The following MACROD2 variants were observed in gnomAD, a reference collection of about 807,000 sequenced individuals.
The protein encoded by MACROD2 is ADP-ribose glycohydrolase MACROD2.
In MACROD2, 36 loss-of-function variants were observed where a neutral mutation model predicts 70.4. The observed-to-expected ratio is 0.51, with a 90% confidence interval of 0.39 to 0.68. The LOEUF (loss-of-function observed/expected upper bound fraction) is 0.68, where lower values mean the gene tolerates loss of function less well. Ranked by LOEUF, MACROD2 falls within the 30% of genes least tolerant of loss-of-function variation. The pLI is 0.00. For synonymous variants in MACROD2, 172 were observed against 178.8 expected, an observed-to-expected ratio of 0.96 and a Z score of 0.30; for missense variants, 496 against 538.4, an observed-to-expected ratio of 0.92 and a Z score of 0.78.
chr20:15,923,653 A>G (rs994249654), intron 10 of MACROD2, among the ~76,000 whole-genome samples: 4 of 152,182 alleles, frequency 2.6e-5, no homozygotes, highest in African/African-American at 9.7e-5. Flanking sequence ...AAGGGCCTCT[A>G]ATGCACAGTG....
intron 5 of MACROD2, among the ~76,000 whole-genome samples, chr20:14,899,360 T>A (rs2073868706): frequency 6.6e-6 from 1 of 152,168 alleles, no homozygotes; most frequent in African/African-American, 2.4e-5. Flanking sequence ...CGTCTCACAG[T>A]TCTGAAGGGT....
intron 8 of MACROD2, among the ~76,000 whole-genome samples, chr20:15,526,287 C>G (rs1193866533): frequency 6.6e-6 from 1 of 152,098 alleles, no homozygotes; most frequent in Non-Finnish European, 1.5e-5. Flanking sequence ...CCCCAAATAT[C>G]TGATCTTTTG....
At chr20:15,253,008 C>T (rs989442281) in intron 6 of MACROD2, among the ~76,000 whole-genome samples, 7 of 152,240 alleles carry the variant, frequency 4.6e-5, no homozygotes, top group Middle Eastern at 3.4e-3. Context: ...GAGGTAGAAC[C>T]GTATACATTT....
Position 15,855,026 on chromosome 20 carries a change from A to G in MACROD2, c.646-7719A>G, listed in dbSNP as rs188304742. 2.2e-3 allele frequency among the ~76,000 whole-genome samples: 330 copies of G among 152,280 alleles called. 4 individuals are homozygous for G. The highest frequency in any genetic ancestry group is 0.017 in the Admixed American group (263 of 15,292). ...CTATATTTACCCAGGATAGCCCTCCATCAGTCCTCAGTTAAAGCAGCATTT... is the reference window on the plus strand; with the variant it reads ...CTATATTTACCCAGGATAGCCCTCCGTCAGTCCTCAGTTAAAGCAGCATTT... On this transcript the variant is annotated intron_variant, in intron 8 of 17. Transcript: ENST00000684519.
rs140856782 is a variant in MACROD2 at position 15,183,303 on chromosome 20, C to T, written c.419-46637C>T. 3.1e-3 allele frequency among the ~76,000 whole-genome samples: 475 copies of T among 152,052 alleles called. 1 individual carries two copies. The highest frequency in any genetic ancestry group is 3.8e-3 in the Non-Finnish European group (260 of 67,966). ...TAATCCTAGAACTTTGGGAGGCTGA[C>T]GCAGGAGGATCGCTTGGGGCCAGAA... On this transcript the variant is annotated intron_variant, in intron 5 of 17. Transcript: ENST00000684519.
At chr20:15,233,986 TA>T in intron 6 of MACROD2, among the ~76,000 whole-genome samples, 1 of 59,728 alleles carries the variant, frequency 1.7e-5, no homozygotes, top group African/African-American at 6.3e-5. Context: ...TATTTATTTA[TA>T]TATATATATA....
intron 5 of MACROD2, among the ~76,000 whole-genome samples, chr20:14,711,415 C>T (rs545962287): frequency 1.3e-5 from 2 of 152,170 alleles, no homozygotes; most frequent in South Asian, 2.1e-4. Flanking sequence ...ATAGGTTTTC[C>T]GAAGGCAAGG....
chr20:15,677,704 C>CAACCAACCAACCA (rs1555859235), intron 8 of MACROD2, among the ~76,000 whole-genome samples: 1 of 75,354 alleles, frequency 1.3e-5, no homozygotes, highest in Admixed American at 1.3e-4. Flanking sequence ...ACCAACCAAC[C>CAACCAACCAACCA]AAATACATCC....
chr20:15,603,225 G>T (rs927014779), intron 8 of MACROD2, among the ~76,000 whole-genome samples: 5 of 152,052 alleles, frequency 3.3e-5, no homozygotes, highest in African/African-American at 1.2e-4. Flanking sequence ...ATAGGCTGGA[G>T]TGGTGGCTCA....
intron 15 of MACROD2, among the ~76,000 whole-genome samples, chr20:16,008,807 A>G (rs1019486357): frequency 6.6e-6 from 1 of 152,198 alleles, no homozygotes; most frequent in African/African-American, 2.4e-5. Flanking sequence ...ACGGTGAGAA[A>G]CCTAAGAACT....
intron 3 of MACROD2, among the ~76,000 whole-genome samples, chr20:14,353,950 A>G (rs780115655): frequency 1.1e-4 from 16 of 152,292 alleles, no homozygotes; most frequent in Non-Finnish European, 1.8e-4. Flanking sequence ...ACCTTTAGGA[A>G]GGAAGAAGGG....
chr20:14,363,144 A>C (rs184065716), intron 3 of MACROD2, among the ~76,000 whole-genome samples: 1 of 152,176 alleles, frequency 6.6e-6, no homozygotes, highest in African/African-American at 2.4e-5. Context: ...CTCTCACTCT[A>C]TATTTTATTA....
At chr20:15,389,550 A>G (rs2045764733) in intron 6 of MACROD2, among the ~76,000 whole-genome samples, 1 of 152,236 alleles carries the variant, frequency 6.6e-6, no homozygotes. Flanking sequence ...GGGGTTCTGT[A>G]GAAACCCCAT....
intron 3 of MACROD2, among the ~76,000 whole-genome samples, chr20:14,332,378 C>G (rs975070624): frequency 5.3e-5 from 8 of 152,082 alleles, no homozygotes; most frequent in African/African-American, 1.4e-4. Context: ...TTGCGGCAAT[C>G]TACATGTTTA....
chr20:14,083,807 G>A (rs534636536), intron 2 of MACROD2, among the ~76,000 whole-genome samples: 41 of 151,936 alleles, frequency 2.7e-4, no homozygotes, highest in Non-Finnish European at 4.9e-4. Context: ...AGGCCCAGGC[G>A]CGGTGGCTCA....
chr20:14,642,373 G>A (rs934052133), intron 4 of MACROD2, among the ~76,000 whole-genome samples: 2 of 152,108 alleles, frequency 1.3e-5, no homozygotes, highest in Admixed American at 6.5e-5. Context: ...CTTATCATTC[G>A]TGTGTTCACT....
intron 6 of MACROD2, among the ~76,000 whole-genome samples, chr20:15,237,488 A>T (rs569891365): frequency 6.6e-6 from 1 of 152,058 alleles, no homozygotes; most frequent in Admixed American, 6.6e-5. Context: ...AATCATTTTC[A>T]TATCACACTT....
intron 5 of MACROD2, among the ~76,000 whole-genome samples, chr20:14,717,953 A>G (rs1035935431): frequency 6.6e-6 from 1 of 152,090 alleles, no homozygotes; most frequent in Non-Finnish European, 1.5e-5. Flanking sequence ...ATTAAAACAA[A>G]CAAACCAAAA....
intron 2 of MACROD2, among the ~76,000 whole-genome samples, chr20:14,025,962 T>G (rs1430264593): frequency 6.6e-6 from 1 of 152,212 alleles, no homozygotes; most frequent in Non-Finnish European, 1.5e-5. Context: ...TCTCCCACTA[T>G]TACTGTGTGG....
Sources: allele counts gnomAD v4.1 joint callset (sites outside exome capture counted in the v4.1 genomes callset), GRCh38; gene constraint gnomAD v4.1.1; transcripts MANE v1.5; gene names NCBI Gene and HGNC (gene_info 2026-07-23, HGNC 2026-07-21).